PLPBP: variants seen among roughly 807,000 people sequenced by gnomAD.
PLPBP encodes the protein pyridoxal phosphate binding protein, also known as pyridoxal phosphate homeostasis protein.
PLPBP carries 21 observed loss-of-function variants against 31.2 expected under a neutral mutation model. The ratio of observed to expected loss-of-function variants is 0.67; its 90% CI spans 0.48 to 0.97. PLPBP has a LOEUF of 0.97. Among genes scored for constraint, PLPBP ranks in the 50% least tolerant of loss-of-function variants. The probability of loss-of-function intolerance (pLI) is 0.00; values close to 1 mark genes in which losing one functional copy is unlikely to be tolerated. For synonymous variants in PLPBP, 124 were observed against 135.6 expected (o/e 0.91, Z 0.59); for missense variants, 308 against 354.4 (o/e 0.87, Z 1.05).
At chr8:37,764,410 CTCCCGGATTCAAGCAAT>C (rs1390711389) in intron 1 of PLPBP, among the ~76,000 whole-genome samples, 1 of 152,232 alleles carries the variant, frequency 6.6e-6, no homozygotes, top group Non-Finnish European at 1.5e-5. Context: ...CAACCTCCAC[CTCCCGGATTCAAGCAAT>C]TCTCCTGCCT....
At chr8:37,769,266 G>T (rs1461951013) in intron 4 of PLPBP, among the ~76,000 whole-genome samples, 5 of 152,084 alleles carry the variant, frequency 3.3e-5, no homozygotes, top group African/African-American at 9.6e-5. Flanking sequence ...AGTCCAAAAG[G>T]TTAAGCCTGC....
At chr8:37,772,995 A>G in intron 5 of PLPBP, 106 bp downstream of exon 5, 2 of 1,402,286 alleles carry the variant, frequency 1.4e-6, no homozygotes, top group South Asian at 1.3e-5. Context: ...ATAGAAACAA[A>G]TCACAGGATC....
In PLPBP at chr8:37,778,590, C is replaced by A. The variant is rs1313475987; in HGVS notation, c.*486C>A. On this transcript the variant is annotated 3_prime_UTR_variant, in exon 8 of 8. Coordinates refer to ENST00000328195, the MANE Select transcript of PLPBP (RefSeq NM_007198.4). ...CAGATTCTTCCCTAGCCGGTAGATACGTGAAGATATTCCCAACTGTGGAAT... is the reference window on the plus strand; with the variant it reads ...CAGATTCTTCCCTAGCCGGTAGATAAGTGAAGATATTCCCAACTGTGGAAT... The A allele has an allele frequency of 6.5e-6, 1 of 152,800 alleles. No homozygotes were observed. The allele number at this position is 152,800 out of a possible 1,614,324, so 9.5% of individuals were successfully genotyped here.
rs963456124 is a variant in PLPBP at position 37,776,085 on chromosome 8, G to T, written c.696+69G>T. On this transcript the variant is annotated intron_variant, in intron 7 of 7. Transcript: ENST00000328195. ...TAGGGGGTCTGAGAGGCTGACACAA[G>T]AGCAGATCTTTGCTGTAGAAGCCTT... is the stretch of plus-strand genomic sequence containing the variant. 9.1e-6 allele frequency: 13 copies of T among 1,425,318 alleles called. No individual in the cohort carries two copies. In the African/African-American group the frequency reaches 1.7e-4, roughly 19 times the overall value. 88.3% of individuals were successfully genotyped at this position (1,425,318 alleles called of 1,614,324 possible).
chr8:37,776,389 T>C (rs1355976327), intron 7 of PLPBP, among the ~76,000 whole-genome samples: 1 of 145,258 alleles, frequency 6.9e-6, no homozygotes, highest in Non-Finnish European at 1.5e-5. Context: ...GGCAGGAGAA[T>C]CGCTTGAACC....
Position 37,778,210 on chromosome 8 carries a change from T to C in PLPBP, c.*106T>C. On this transcript the variant is annotated 3_prime_UTR_variant, in exon 8 of 8. Coordinates refer to ENST00000328195, the MANE Select transcript of PLPBP (RefSeq NM_007198.4). ...CTCTCCTGTGACCTGTGGAGAGCAC[T>C]AATGATCACGTGTGTTGATGGAAAC... The C allele has an allele frequency of 5.1e-6, 7 of 1,362,036 alleles. No homozygotes were observed. Among genetic ancestry groups the C allele is most frequent in the Non-Finnish European group, 7.0e-6 (7 of 998,456 alleles). The allele number at this position is 1,362,036 out of a possible 1,614,324, so 84.4% of individuals were successfully genotyped here.
chr8:37,764,513 G>T (rs1398729075), intron 1 of PLPBP, among the ~76,000 whole-genome samples: 1 of 152,136 alleles, frequency 6.6e-6, no homozygotes, highest in East Asian at 1.9e-4. Flanking sequence ...ATAGAGATGG[G>T]GTTTCACCTT....
chr8:37,768,702 A>G (rs1471480465), intron 4 of PLPBP, among the ~76,000 whole-genome samples: 1 of 151,644 alleles, frequency 6.6e-6, no homozygotes, highest in Non-Finnish European at 1.5e-5. Context: ...CTCAAACTCC[A>G]GACCTCATGA....
Position 37,772,802 on chromosome 8 carries a change from GCAGA to G in PLPBP, c.370_373del (p.Asp124LysfsTer2), listed in dbSNP as rs755595256. ...GGAAACAGTGGATTCTGTGAAGTTG[GCAGA>G]CAAAGTGAACAGTTCCTGGCAGAGA... On this transcript the variant is annotated frameshift_variant, in exon 5 of 8. Transcript: ENST00000328195. LOFTEE classifies it high-confidence loss of function. 108 of 1,614,058 alleles carry G rather than the reference GCAGA, an allele frequency of 6.7e-5. No individual in the cohort carries two copies. Among genetic ancestry groups the G allele is most frequent in the Non-Finnish European group, 8.5e-5 (100 of 1,180,034 alleles).
At chr8:37,774,533 T>C (rs1803853203) in intron 5 of PLPBP, among the ~76,000 whole-genome samples, 1 of 152,242 alleles carries the variant, frequency 6.6e-6, no homozygotes, top group African/African-American at 2.4e-5. Context: ...TAAGAATAAA[T>C]GTATACAGAT....
chr8:37,763,703 ACT>A (rs1563322836), intron 1 of PLPBP, among the ~76,000 whole-genome samples: 1 of 151,956 alleles, frequency 6.6e-6, no homozygotes, highest in South Asian at 2.1e-4. Context: ...TGTTCGGGTA[ACT>A]CTCTGGAAAG....
Position 37,775,911 on chromosome 8 carries a change from C to T in PLPBP, c.598-7C>T, listed in dbSNP as rs1460803621. The T allele has an allele frequency of 6.2e-7, 1 of 1,607,824 alleles. No homozygotes were observed. The highest frequency in any genetic ancestry group is 2.2e-5 in the East Asian group (1 of 44,836). ...GGAGTAAAATAGGTGTCATCTCTTT[C>T]TGTCAGCTGTTATTGTCCCTCCGGG... On this transcript the variant is annotated splice_region_variant and splice_polypyrimidine_tract_variant and intron_variant, in intron 6 of 7. Coordinates refer to ENST00000328195, the MANE Select transcript of PLPBP (RefSeq NM_007198.4).
chr8:37,774,632 C>T (rs764608564), intron 5 of PLPBP, among the ~76,000 whole-genome samples: 48 of 152,206 alleles, frequency 3.2e-4, no homozygotes, highest in Admixed American at 2.1e-3. Context: ...TTCTAGATAA[C>T]GTCCTAGAGT....
At chr8:37,764,894 G>A (rs918589463) in intron 1 of PLPBP, among the ~76,000 whole-genome samples, 1 of 152,150 alleles carries the variant, frequency 6.6e-6, no homozygotes, top group African/African-American at 2.4e-5. Flanking sequence ...TTCTCCGCTG[G>A]GCACAGTGGC....
At chr8:37,762,562 G>A (rs750962889), upstream of PLPBP, 5 of 1,492,846 alleles carry the variant, frequency 3.3e-6, no homozygotes, top group Non-Finnish European at 4.4e-6. Context: ...TCAATGATGA[G>A]CAATGATTGG....
At chr8:37,774,073 T>C (rs1256455754) in intron 5 of PLPBP, among the ~76,000 whole-genome samples, 1 of 151,948 alleles carries the variant, frequency 6.6e-6, no homozygotes, top group African/African-American at 2.4e-5. Flanking sequence ...TAGCCAGGCA[T>C]GATGGTGTGC....
rs371407450 is a variant in PLPBP, at chr8:37,762,651, C to A, written c.-9C>A. 388 of 1,571,362 alleles carry A rather than the reference C, an allele frequency of 2.5e-4. No individual in the cohort carries two copies. The African/African-American group carries it at 4.9e-3, about 20-fold the overall frequency. ...CGGGGGCCTGGGGCTCGGCGTCGGT[C>A]CCCGGGGGATGTGGAGAGCTGGCAG... On this transcript the variant is annotated 5_prime_UTR_variant, in exon 1 of 8. Coordinates refer to ENST00000328195, the MANE Select transcript of PLPBP (RefSeq NM_007198.4).
rs564015478 is a variant in PLPBP at position 37,774,716 on chromosome 8, C to A, written c.455-623C>A. On this transcript the variant is annotated intron_variant, in intron 5 of 7. Coordinates refer to ENST00000328195, the MANE Select transcript of PLPBP (RefSeq NM_007198.4). ...ACTATAGGTCAAGTCTTTATTGTAT[C>A]ATTTCTTGATAATTAGCTATAATAT... is the stretch of plus-strand genomic sequence containing the variant. Among the ~76,000 whole-genome samples, 8 of 152,310 alleles carry A rather than the reference C, an allele frequency of 5.3e-5. No individual in the cohort carries two copies. In the South Asian group the frequency reaches 1.7e-3, roughly 32 times the overall value.
chr8:37,774,046 A>G (rs550416185), intron 5 of PLPBP, among the ~76,000 whole-genome samples: 2 of 152,078 alleles, frequency 1.3e-5, no homozygotes, highest in South Asian at 4.1e-4. Flanking sequence ...CTTCATCTCT[A>G]CCATACATAC....
Sources: allele counts gnomAD v4.1 joint callset (sites outside exome capture counted in the v4.1 genomes callset), GRCh38; gene constraint gnomAD v4.1.1; transcripts MANE v1.5; gene names NCBI Gene and HGNC (gene_info 2026-07-23, HGNC 2026-07-21).